Variants in TGFBRAP1 observed in about 807,000 individuals in gnomAD.
TGFBRAP1 encodes transforming growth factor-beta receptor-associated protein 1.
In TGFBRAP1, 20 loss-of-function variants were observed where a neutral mutation model predicts 83.2. The ratio of observed to expected loss-of-function variants is 0.24; its 90% CI spans 0.17 to 0.35. The LOEUF is 0.35. Ranked by LOEUF, TGFBRAP1 falls within the 10% of genes least tolerant of loss-of-function variation. TGFBRAP1 has a pLI of 1.00. For missense variants in TGFBRAP1, 950 were observed against 1,099.4 expected (o/e 0.86, Z 1.92); for synonymous variants, 415 against 459.8 (o/e 0.90, Z 1.25).
chr2:105,268,319 CAAAG>C (rs1223496261), intron 11 of TGFBRAP1, among the ~76,000 whole-genome samples: 3 of 152,150 alleles, frequency 2.0e-5, no homozygotes, highest in African/African-American at 7.2e-5. Context: ...TCCCTGTCCT[CAAAG>C]AACCCAAACT....
At chr2:105,319,955 A>ACG (rs985163164) in intron 1 of TGFBRAP1, among the ~76,000 whole-genome samples, 2 of 151,506 alleles carry the variant, frequency 1.3e-5, no homozygotes, top group African/African-American at 2.4e-5. Flanking sequence ...ACACACACAC[A>ACG]CACAATAGGA....
chr2:105,262,803 G>A (rs1343547700), downstream of TGFBRAP1, among the ~76,000 whole-genome samples: 1 of 152,132 alleles, frequency 6.6e-6, no homozygotes, highest in Admixed American at 6.5e-5. Context: ...CCCTCCCCCA[G>A]TTGCAAGCTA....
intron 2 of TGFBRAP1, among the ~76,000 whole-genome samples, chr2:105,306,069 T>TTTG (rs1553406604): frequency 2.3e-4 from 23 of 102,078 alleles, no homozygotes; most frequent in Admixed American, 7.5e-4. Context: ...TTGTTTTTTG[T>TTTG]TTTTTTTTTT....
chr2:105,284,886 A>G (rs914214723), intron 4 of TGFBRAP1, among the ~76,000 whole-genome samples: 1 of 152,172 alleles, frequency 6.6e-6, no homozygotes, highest in African/African-American at 2.4e-5. Flanking sequence ...GTGACGTCCA[A>G]CCCACATGAA....
chr2:105,308,043 C>T lies in TGFBRAP1; in HGVS notation c.259G>A (p.Ala87Thr), dbSNP rs1254017891. 2.5e-6 allele frequency: 4 copies of T among 1,613,868 alleles called. No homozygotes were observed. In the Admixed American group the frequency reaches 6.7e-5, roughly 27 times the overall value. The change falls in exon 2 of 12, where the codon GCA (alanine) becomes ACA (threonine). Residue 87 changes from alanine (A) to threonine (T), a missense_variant. Transcript: ENST00000393359. Reference protein sequence around the residue: ...KPVNELRAASALNRLLVLCDN... With the variant: ...KPVNELRAASTLNRLLVLCDN... ...CACAGCACCAGCAGCCTGTTGAGTG[C>T]TGAGGCCGCACGCAGCTCGTTCACG...
the TGFBRAP1 span, among the ~76,000 whole-genome samples, chr2:105,252,113 G>A: frequency 3.3e-5 from 5 of 151,204 alleles, no homozygotes; most frequent in South Asian, 6.3e-4. Context: ...CCCCCTCTGC[G>A]AGAAACACCC....
chr2:105,322,256 C>T (rs979688109), intron 1 of TGFBRAP1, among the ~76,000 whole-genome samples: 1 of 152,122 alleles, frequency 6.6e-6, no homozygotes. Context: ...AACATGTTTT[C>T]AGCTACATGT....
chr2:105,320,484 C>G (rs928116332), intron 1 of TGFBRAP1, among the ~76,000 whole-genome samples: 4 of 151,620 alleles, frequency 2.6e-5, no homozygotes, highest in Admixed American at 1.3e-4. Flanking sequence ...CAGGTCAGAT[C>G]TGAAGGCAAT....
chr2:105,328,287 A>C (rs1379302298), intron 1 of TGFBRAP1, among the ~76,000 whole-genome samples: 1 of 152,234 alleles, frequency 6.6e-6, no homozygotes, highest in Non-Finnish European at 1.5e-5. Flanking sequence ...GACCTGGGGC[A>C]GGCTAGTTAT....
chr2:105,260,637 C>A (rs577636957), downstream of TGFBRAP1, among the ~76,000 whole-genome samples: 5 of 151,980 alleles, frequency 3.3e-5, no homozygotes, highest in Admixed American at 1.3e-4. Context: ...GGTTTCTGTT[C>A]GGGATGATAC....
intron 4 of TGFBRAP1, among the ~76,000 whole-genome samples, chr2:105,294,106 G>C (rs1181412088): frequency 2.0e-5 from 3 of 152,218 alleles, no homozygotes; most frequent in Non-Finnish European, 4.4e-5. Context: ...AGGCATGGCT[G>C]ATCTGCCATG....
At chr2:105,278,379 G>C (rs1023390698) in intron 6 of TGFBRAP1, among the ~76,000 whole-genome samples, 3 of 152,192 alleles carry the variant, frequency 2.0e-5, no homozygotes, top group Admixed American at 6.5e-5. Flanking sequence ...TGCCTAAGCA[G>C]AGACTGAGAA....
intron 8 of TGFBRAP1, 79 bp downstream of exon 8, chr2:105,275,481 C>T (rs1677307409): frequency 3.2e-6 from 5 of 1,544,242 alleles, no homozygotes; most frequent in Non-Finnish European, 4.4e-6. Flanking sequence ...TTCTTTTCCC[C>T]TCCTAAAAGC....
intron 2 of TGFBRAP1, among the ~76,000 whole-genome samples, chr2:105,306,653 C>T (rs547477987): frequency 1.1e-3 from 172 of 152,074 alleles, no homozygotes; most frequent in Non-Finnish European, 9.3e-4. Flanking sequence ...CAAAAATTAG[C>T]CAGGCATGGT....
intron 1 of TGFBRAP1, chr2:105,325,070 T>G (rs1679184689): frequency 6.6e-6 from 1 of 152,310 alleles, no homozygotes; most frequent in East Asian, 1.9e-4. Flanking sequence ...TCCAGCTACT[T>G]CTGGATGAAG....
intron 1 of TGFBRAP1, among the ~76,000 whole-genome samples, chr2:105,318,623 T>C (rs949253579): frequency 6.6e-6 from 1 of 151,698 alleles, no homozygotes; most frequent in Non-Finnish European, 1.5e-5. Flanking sequence ...ATCAAACAAA[T>C]AAGTGATTTA....
Position 105,272,923 on chromosome 2 carries a change from G to T in TGFBRAP1, c.1904C>A (p.Thr635Asn). ...CCGCCGCAGCTTGGCCTGCGTCTCG[G>T]TGGCCTCTGCACCCTTGCCACTGGC... ...ASASGKGAEA[T>N]ETQAKLRRLL... The change falls in exon 10 of 12, where the codon ACC (threonine) becomes AAC (asparagine). Residue 635 changes from threonine (T) to asparagine (N), a missense_variant. Thr to Asn is a moderately conservative substitution (Grantham distance 65, BLOSUM62 0). Coordinates refer to ENST00000393359, the MANE Select transcript of TGFBRAP1 (RefSeq NM_004257.6). The T allele has an allele frequency of 3.1e-6, 5 of 1,611,042 alleles. No individual in the cohort carries two copies. The highest frequency in any genetic ancestry group is 4.2e-6 in the Non-Finnish European group (5 of 1,179,968).
downstream of TGFBRAP1, among the ~76,000 whole-genome samples, chr2:105,260,821 G>A (rs1676772920): frequency 6.6e-6 from 1 of 152,150 alleles, no homozygotes; most frequent in Non-Finnish European, 1.5e-5. Context: ...CATGCAAAAT[G>A]CACTTAAATA....
chr2:105,251,913 G>C, the TGFBRAP1 span, among the ~76,000 whole-genome samples: 26 of 149,830 alleles, frequency 1.7e-4, 1 homozygote, highest in South Asian at 3.5e-3. Flanking sequence ...GGTGGTGCAA[G>C]ATGTGCTTTG....
Sources: allele counts gnomAD v4.1 joint callset (sites outside exome capture counted in the v4.1 genomes callset), GRCh38; gene constraint gnomAD v4.1.1; transcripts MANE v1.5; gene names NCBI Gene and HGNC (gene_info 2026-07-23, HGNC 2026-07-21).